The following KCNK12 variants were observed in gnomAD, a reference collection of about 807,000 sequenced individuals.
KCNK12 encodes potassium channel subfamily K member 12.
KCNK12 carries 6 observed loss-of-function variants against 25.3 expected under a neutral mutation model. The ratio of observed to expected loss-of-function variants is 0.24; its 90% CI spans 0.13 to 0.47. The LOEUF is 0.47. KCNK12 is among the 20% of genes least tolerant of loss of function. The pLI is 0.99. For synonymous variants in KCNK12, 331 were observed against 311.1 expected, an observed-to-expected ratio of 1.06 and a Z score of -0.67; for missense variants, 444 against 661.7, an observed-to-expected ratio of 0.67 and a Z score of 3.61.
In KCNK12 at chr2:47,557,168, G is replaced by T. The variant is rs981978403; in HGVS notation, c.391+12773C>A. 2.0e-5 allele frequency among the ~76,000 whole-genome samples: 3 copies of T among 152,188 alleles called. No individual in the cohort carries two copies. Among genetic ancestry groups the T allele is most frequent in the African/African-American group, 2.4e-5 (1 of 41,444 alleles). On this transcript the variant is annotated intron_variant, in intron 1 of 1. Transcript: ENST00000327876. The surrounding 1 kb of genome is among the most constrained non-coding windows in gnomAD (Gnocchi z 4.9). ...CTTACGTTGAAATCCAATGGCTATT[G>T]TAAGACTTTTAAGAGGTGAGAACTT...
In KCNK12 at chr2:47,550,988, C is replaced by G. The variant is rs57598249; in HGVS notation, c.391+18953G>C. Among the ~76,000 whole-genome samples, 769 of 152,158 alleles carry G rather than the reference C, an allele frequency of 5.1e-3. 8 individuals carry two copies. The highest frequency in any genetic ancestry group is 0.018 in the African/African-American group (745 of 41,480). On this transcript the variant is annotated intron_variant, in intron 1 of 1. Coordinates refer to ENST00000327876, the MANE Select transcript of KCNK12 (RefSeq NM_022055.2). ...AGATCATGTTATGCCTCTTTTGTCT[C>G]CCTGCTTTTTTTAACCTAAGTTTTG...
At chr2:47,523,586 G>A (rs908347619) in intron 1 of KCNK12, among the ~76,000 whole-genome samples, 18 of 152,212 alleles carry the variant, frequency 1.2e-4, no homozygotes, top group African/African-American at 2.9e-4. Context: ...CAGTGTGCTC[G>A]CCCATGCCAT....
intron 1 of KCNK12, among the ~76,000 whole-genome samples, chr2:47,568,171 T>C (rs1669819986): frequency 6.6e-6 from 1 of 151,964 alleles, no homozygotes; most frequent in Non-Finnish European, 1.5e-5. Context: ...GACCACCCAA[T>C]ATGTGCACAG....
chr2:47,552,970 T>C (rs887321110), intron 1 of KCNK12, among the ~76,000 whole-genome samples: 3 of 152,146 alleles, frequency 2.0e-5, no homozygotes, highest in African/African-American at 7.2e-5. Context: ...CTCTTACCCC[T>C]TTTCTTTTGC....
chr2:47,511,824 A>G lies in KCNK12; in HGVS notation c.*9083T>C, dbSNP rs1205596143. On this transcript the variant is annotated 3_prime_UTR_variant, in exon 2 of 2. Coordinates refer to ENST00000327876, the MANE Select transcript of KCNK12 (RefSeq NM_022055.2). The surrounding 1 kb of genome is among the most constrained non-coding windows in gnomAD (Gnocchi z 4.3). ...TTCTGCAGTGACAGAAATGTTCTATATCTGTGCTATCCAATATGGTAGCCA... is the reference window on the plus strand; with the variant it reads ...TTCTGCAGTGACAGAAATGTTCTATGTCTGTGCTATCCAATATGGTAGCCA... Among the ~76,000 whole-genome samples, 1 of 152,224 alleles carries G rather than the reference A, an allele frequency of 6.6e-6. No individual in the cohort carries two copies. Among genetic ancestry groups the G allele is most frequent in the Non-Finnish European group, 1.5e-5 (1 of 68,042 alleles).
intron 1 of KCNK12, among the ~76,000 whole-genome samples, chr2:47,524,974 G>T (rs1558548039): frequency 6.6e-6 from 1 of 152,116 alleles, no homozygotes; most frequent in African/African-American, 2.4e-5. Flanking sequence ...TCTTATAGAA[G>T]GATAACTCTG....
intron 1 of KCNK12, among the ~76,000 whole-genome samples, chr2:47,539,615 C>T (rs949308776): frequency 6.6e-5 from 10 of 152,100 alleles, no homozygotes; most frequent in African/African-American, 2.4e-4. Flanking sequence ...TCAGAAATTT[C>T]TAGAAGAATC....
At position 47,560,910 on chromosome 2, in the gene KCNK12, G is replaced by T. The variant is rs1669654819; in HGVS notation, c.391+9031C>A. On this transcript the variant is annotated intron_variant, in intron 1 of 1. Coordinates refer to ENST00000327876, the MANE Select transcript of KCNK12 (RefSeq NM_022055.2). This position sits in a 1 kb window ranked among gnomAD's most constrained non-coding sequence, Gnocchi z 4.7. Reference sequence around the variant, plus strand: ...CCCCAGATCCTGTCCTGCTCCGGGAGGCTTCTGCCTGGGAAGGGGGTCCCG... The same window carrying T: ...CCCCAGATCCTGTCCTGCTCCGGGATGCTTCTGCCTGGGAAGGGGGTCCCG... 6.6e-6 allele frequency among the ~76,000 whole-genome samples: 1 copy of T among 152,144 alleles called. No individual in the cohort carries two copies. The highest frequency in any genetic ancestry group is 2.4e-5 in the African/African-American group (1 of 41,432).
chr2:47,564,521 G>A (rs140071646), intron 1 of KCNK12: 395 of 211,794 alleles, frequency 1.9e-3, no homozygotes, highest in African/African-American at 7.8e-3. Flanking sequence ...ATTAGACTAC[G>A]TGAAAACACA....
At chr2:47,535,121 G>A (rs1212045373) in intron 1 of KCNK12, 1 of 231,328 alleles carries the variant, frequency 4.3e-6, no homozygotes, top group African/African-American at 2.2e-5. Context: ...TCAAACTGAG[G>A]TGTCCCCATG....
At chr2:47,526,423 GAA>G (rs1404217749) in intron 1 of KCNK12, among the ~76,000 whole-genome samples, 3 of 142,804 alleles carry the variant, frequency 2.1e-5, no homozygotes, top group African/African-American at 5.2e-5. Flanking sequence ...AAAAAAAAGA[GAA>G]AGAAAGAAAA....
Position 47,525,952 on chromosome 2 carries a change from A to C in KCNK12, c.392-4144T>G, listed in dbSNP as rs1377707859. On this transcript the variant is annotated intron_variant, in intron 1 of 1. Coordinates refer to ENST00000327876, the MANE Select transcript of KCNK12 (RefSeq NM_022055.2). This position sits in a 1 kb window ranked among gnomAD's most constrained non-coding sequence, Gnocchi z 4.1. ...TGATGTAAGATCACCCCCATGCCCCATCCACTGCGGGTCCCCTGAGCCATG... is the reference window on the plus strand; with the variant it reads ...TGATGTAAGATCACCCCCATGCCCCCTCCACTGCGGGTCCCCTGAGCCATG... 9.4e-4 allele frequency among the ~76,000 whole-genome samples: 143 copies of C among 152,312 alleles called. 1 individual carries two copies. The highest frequency in any genetic ancestry group is 2.5e-4 in the Non-Finnish European group (17 of 68,022).
intron 1 of KCNK12, among the ~76,000 whole-genome samples, chr2:47,531,821 C>T (rs1285306237): frequency 1.3e-5 from 2 of 152,172 alleles, no homozygotes; most frequent in Non-Finnish European, 2.9e-5. Context: ...CAGAAGTTTC[C>T]ACTTCAGCCT....
In KCNK12 at chr2:47,518,920, C is replaced by T. The variant is rs1668584681; in HGVS notation, c.*1987G>A. The T allele has an allele frequency of 6.6e-6, 1 of 152,270 alleles. No individual in the cohort carries two copies. The highest frequency in any genetic ancestry group is 6.5e-5 in the Admixed American group (1 of 15,292). The allele number at this position is 152,270 out of a possible 1,614,324, so 9.4% of individuals were successfully genotyped here. A position where few individuals can be genotyped will look rare whatever the true frequency, so the allele number is the denominator to read the frequency against. ...TGTGGATTTTATTTCCAGGTCCTGT[C>T]AGAGGGCCCTGCCCTAGAGAACACG... On this transcript the variant is annotated 3_prime_UTR_variant, in exon 2 of 2. Coordinates refer to ENST00000327876, the MANE Select transcript of KCNK12 (RefSeq NM_022055.2). The surrounding 1 kb of genome is among the most constrained non-coding windows in gnomAD (Gnocchi z 4.1).
intron 1 of KCNK12, among the ~76,000 whole-genome samples, chr2:47,531,433 C>G (rs1469778336): frequency 6.6e-6 from 1 of 151,758 alleles, no homozygotes; most frequent in Non-Finnish European, 1.5e-5. Context: ...TGACTGCACC[C>G]TTGCACTCCA....
In KCNK12 at chr2:47,512,341, T is replaced by C. The variant is rs1457441570; in HGVS notation, c.*8566A>G. 1 of 1,612,584 alleles carries C rather than the reference T, an allele frequency of 6.2e-7. No individual in the cohort carries two copies. The highest frequency in any genetic ancestry group is 1.1e-5 in the South Asian group (1 of 90,956). On this transcript the variant is annotated 3_prime_UTR_variant, in exon 2 of 2. Transcript: ENST00000327876. ...CAGAGCCAAAAGACCAGTGCCTCAT[T>C]TTGCTGACATGGAAAAGGAAACTTC...
intron 1 of KCNK12, among the ~76,000 whole-genome samples, chr2:47,546,046 G>A (rs930089154): frequency 6.6e-6 from 1 of 152,042 alleles, no homozygotes; most frequent in Non-Finnish European, 1.5e-5. Flanking sequence ...ACAGGGAAAA[G>A]CTGTAAATGA....
chr2:47,512,514 TG>T lies in KCNK12; in HGVS notation c.*8392del. The T allele has an allele frequency of 6.9e-7, 1 of 1,442,138 alleles. No individual in the cohort carries two copies. The highest frequency in any genetic ancestry group is 9.3e-7 in the Non-Finnish European group (1 of 1,074,792). 89.3% of individuals were successfully genotyped at this position (1,442,138 alleles called of 1,614,324 possible). A position where few individuals can be genotyped will look rare whatever the true frequency, so the allele number is the denominator to read the frequency against. ...CCTTCTGTAAACATTTCCCTCAAAATGGAGCAGGAAGCTCTCAAAAATGGAC... is the reference window on the plus strand; with the variant it reads ...CCTTCTGTAAACATTTCCCTCAAAATGAGCAGGAAGCTCTCAAAAATGGAC... On this transcript the variant is annotated 3_prime_UTR_variant, in exon 2 of 2. Transcript: ENST00000327876.
chr2:47,510,721 G>A lies in KCNK12; in HGVS notation c.*10186C>T, dbSNP rs549515024. The A allele has an allele frequency of 3.3e-5, 5 of 152,342 alleles. No homozygotes were observed. The highest frequency in any genetic ancestry group is 1.2e-4 in the African/African-American group (5 of 41,570). 9.4% of individuals were successfully genotyped at this position (152,342 alleles called of 1,614,324 possible). ...TTATCTTAGGGCAATTTTAGGTAGA[G>A]GAGCAGACAAGATGGTGTACAGGAG... On this transcript the variant is annotated 3_prime_UTR_variant, in exon 2 of 2. Transcript: ENST00000327876.
Sources: allele counts gnomAD v4.1 joint callset (sites outside exome capture counted in the v4.1 genomes callset), GRCh38; gene constraint gnomAD v4.1.1; non-coding constraint Gnocchi (gnomAD v3.1); transcripts MANE v1.5; gene names NCBI Gene and HGNC (gene_info 2026-07-23, HGNC 2026-07-21).